PCDHGB1: variants seen among roughly 807,000 people sequenced by gnomAD.
PCDHGB1 encodes the protein protocadherin gamma-B1.
Under a neutral mutation model 56.6 loss-of-function variants are expected in PCDHGB1, and 34 were observed. That is an observed-to-expected ratio of 0.60 (90% CI 0.46 to 0.80). PCDHGB1 has a LOEUF of 0.80. Ranked by LOEUF, PCDHGB1 falls within the 30% of genes least tolerant of loss-of-function variation. The probability of loss-of-function intolerance (pLI) is 0.00; values close to 1 mark genes in which losing one functional copy is unlikely to be tolerated. For synonymous variants in PCDHGB1, 561 were observed against 505.9 expected (o/e 1.11, Z -1.46); for missense variants, 1,278 against 1,204.6 (o/e 1.06, Z -0.90).
At chr5:141,357,464 A>G (rs1433151556) in intron 1 of PCDHGB1, 1 of 1,614,044 alleles carries the variant, frequency 6.2e-7, no homozygotes, top group Non-Finnish European at 8.5e-7. Flanking sequence ...ACCTATTCCC[A>G]CGAGGTCTCC....
rs1759725917 is a variant in PCDHGB1 at position 141,355,135 on chromosome 5, C to T, written c.2409+2466C>T. 7 of 1,523,612 alleles carry T rather than the reference C, an allele frequency of 4.6e-6. No homozygotes were observed. In the Middle Eastern group the frequency reaches 9.9e-4, roughly 216 times the overall value. 94.4% of individuals were successfully genotyped at this position (1,523,612 alleles called of 1,614,324 possible). ...GCACTTTATTTTGGACCCAGAAGAT[C>T]CTGGGGCTCCTCAGGCCTCGACAGA... On this transcript the variant is annotated intron_variant, in intron 1 of 3. Transcript: ENST00000523390.
Position 141,350,963 on chromosome 5 carries a change from A to G in PCDHGB1, c.703A>G (p.Asn235Asp), listed in dbSNP as rs771173286. ...GATCCGAGTTACGGATGCCAATGAT[A>G]ATGCTCCCGTGTTTAGCCAGGAGGT... is the stretch of plus-strand genomic sequence containing the variant. ...IWIRVTDAND[N>D]APVFSQEVYR... The change falls in exon 1 of 4, where the codon AAT becomes GAT. Residue 235 changes from asparagine to aspartate, a missense_variant. Asn to Asp is a conservative substitution (Grantham distance 23). Coordinates refer to ENST00000523390, the MANE Select transcript of PCDHGB1 (RefSeq NM_018922.3). The G allele has an allele frequency of 6.2e-7, 1 of 1,614,094 alleles. No individual in the cohort carries two copies. Among genetic ancestry groups the G allele is most frequent in the South Asian group, 1.1e-5 (1 of 91,086 alleles).
At chr5:141,405,326 T>TGC in intron 1 of PCDHGB1, 1 of 1,614,220 alleles carries the variant, frequency 6.2e-7, no homozygotes, top group Non-Finnish European at 8.5e-7. Flanking sequence ...TGAGCCTTTG[T>TGC]GCGTCTCTGT....
At chr5:141,381,826 C>CTTTTTTTTTTTTTTTTTTTTTTTTTT (rs770630741) in intron 1 of PCDHGB1, among the ~76,000 whole-genome samples, 2 of 74,292 alleles carry the variant, frequency 2.7e-5, no homozygotes, top group Non-Finnish European at 4.7e-5. Flanking sequence ...CTTTCTTCTT[C>CTTTTTTTTTTTTTTTTTTTTTTTTTT]TTTTTTTTTT....
intron 1 of PCDHGB1, chr5:141,426,692 C>T: frequency 2.3e-6 from 1 of 435,472 alleles, no homozygotes; most frequent in Non-Finnish European, 4.7e-6. Flanking sequence ...CCCAAAATAG[C>T]ATTGTTTTAC....
In PCDHGB1 at chr5:141,375,407, G is replaced by A. The variant is rs192651675; in HGVS notation, c.2409+22738G>A. 5.6e-6 allele frequency: 9 copies of A among 1,613,974 alleles called. No individual in the cohort carries two copies. The Admixed American group carries it at 1.5e-4, about 27-fold the overall frequency. ...TACAGAAACAATCATCTCTCTAAAT[G>A]TGGCAGACACCAACGACAACCCGCC... On this transcript the variant is annotated intron_variant, in intron 1 of 3. Transcript: ENST00000523390.
chr5:141,395,403 A>C (rs1383871945), intron 1 of PCDHGB1: 7 of 849,376 alleles, frequency 8.2e-6, no homozygotes, highest in Non-Finnish European at 1.2e-5. Context: ...TCTAATAGTC[A>C]TAGGTTATTG....
At chr5:141,471,508 G>A (rs1262338812) in intron 1 of PCDHGB1, 3 of 152,216 alleles carry the variant, frequency 2.0e-5, no homozygotes, top group African/African-American at 7.2e-5. Context: ...AAGAGAGGGA[G>A]TAAAAATAAC....
Position 141,352,680 on chromosome 5 carries a change from G to A in PCDHGB1, c.2409+11G>A. 1 of 1,568,674 alleles carries A rather than the reference G, an allele frequency of 6.4e-7. No individual in the cohort carries two copies. Among genetic ancestry groups the A allele is most frequent in the Non-Finnish European group, 8.7e-7 (1 of 1,156,034 alleles). On this transcript the variant is annotated intron_variant, in intron 1 of 3. Transcript: ENST00000523390. ...TCTTTGTCTTCGCACGTGAGTTTCT[G>A]CAAATCTAGTTAAATTTTATATATG...
At chr5:141,418,328 G>A (rs1298044571) in intron 1 of PCDHGB1, 1 of 1,614,002 alleles carries the variant, frequency 6.2e-7, no homozygotes, top group Non-Finnish European at 8.5e-7. Flanking sequence ...TCTTGAGTCT[G>A]CAGAAGATCC....
intron 1 of PCDHGB1, chr5:141,388,778 A>T (rs2091485337): frequency 1.9e-6 from 3 of 1,613,826 alleles, no homozygotes. Context: ...ACACCGGGGA[A>T]ATTACTGTTT....
rs145748099 is a variant in PCDHGB1, at chr5:141,365,734, T to A, written c.2409+13065T>A. ...CTGTCACAGAAAACAATCCCAGAGG[T>A]GTCTCTATCTTCTCTGTGACAGCCC... On this transcript the variant is annotated intron_variant, in intron 1 of 3. Coordinates refer to ENST00000523390, the MANE Select transcript of PCDHGB1 (RefSeq NM_018922.3). The A allele has an allele frequency of 1.9e-6, 3 of 1,613,550 alleles. No individual in the cohort carries two copies. The African/African-American group carries it at 4.0e-5, about 22-fold the overall frequency.
chr5:141,355,779 G>A (rs762969886), intron 1 of PCDHGB1: 7 of 1,613,834 alleles, frequency 4.3e-6, no homozygotes, highest in East Asian at 2.2e-5. Flanking sequence ...AGTACCCAGA[G>A]CTGGTGCTGG....
At chr5:141,433,195 T>C (rs765385329) in intron 1 of PCDHGB1, 8 of 1,582,476 alleles carry the variant, frequency 5.1e-6, no homozygotes, top group Non-Finnish European at 6.9e-6. Flanking sequence ...TGAGTTTATA[T>C]CAAATCTTCT....
rs747655305 is a variant in PCDHGB1 at position 141,351,506 on chromosome 5, G to A, written c.1246G>A (p.Val416Ile). The change falls in exon 1 of 4, where the codon GTC becomes ATC. Residue 416 changes from valine (V) to isoleucine (I), a missense_variant. Val to Ile is a conservative substitution (Grantham distance 29). Coordinates refer to ENST00000523390, the MANE Select transcript of PCDHGB1 (RefSeq NM_018922.3). ...LNREQTADYN[V>I]TIIATDKGKP... ...CCGGGAGCAGACAGCAGACTACAACGTCACAATCATAGCCACCGACAAGGG... is the reference window on the plus strand; with the variant it reads ...CCGGGAGCAGACAGCAGACTACAACATCACAATCATAGCCACCGACAAGGG... 58 of 1,613,874 alleles carry A rather than the reference G, an allele frequency of 3.6e-5. No homozygotes were observed. Among genetic ancestry groups the A allele is most frequent in the Middle Eastern group, 1.6e-4 (1 of 6,084 alleles).
chr5:141,394,631 C>T (rs1402672360), intron 1 of PCDHGB1: 3 of 1,613,354 alleles, frequency 1.9e-6, no homozygotes, highest in Admixed American at 1.7e-5. Flanking sequence ...GGCTGTCCTA[C>T]CGCCTGCTCA....
rs756237595 is a variant in PCDHGB1, at chr5:141,398,946, C to T, written c.2409+46277C>T. The T allele has an allele frequency of 1.9e-6, 3 of 1,613,830 alleles. No individual in the cohort carries two copies. The Admixed American group carries it at 5.0e-5, about 27-fold the overall frequency. ...CAGCCACTGACCAAGACGAGGGCAT[C>T]AACTCAGAAATTACTTATTCCTTCT... On this transcript the variant is annotated intron_variant, in intron 1 of 3. Coordinates refer to ENST00000523390, the MANE Select transcript of PCDHGB1 (RefSeq NM_018922.3).
chr5:141,434,920 A>C (rs927245955), intron 1 of PCDHGB1, among the ~76,000 whole-genome samples: 1 of 151,796 alleles, frequency 6.6e-6, no homozygotes. Flanking sequence ...ATTTATGTAC[A>C]TATATTTTAT....
At position 141,491,134 on chromosome 5, in the gene PCDHGB1, C is replaced by T. The variant is rs1594979273; in HGVS notation, c.2410-3673C>T. Reference sequence around the variant, plus strand: ...ACACACTGGTGAGGTGCGCACAGCCCGGGCCTTACTGGAGGATGACTCTGA... The same window carrying T: ...ACACACTGGTGAGGTGCGCACAGCCTGGGCCTTACTGGAGGATGACTCTGA... On this transcript the variant is annotated intron_variant, in intron 1 of 3. Transcript: ENST00000523390. The surrounding 1 kb of genome is among the most constrained non-coding windows in gnomAD (Gnocchi z 6.9). The T allele has an allele frequency of 6.2e-7, 1 of 1,614,138 alleles. No homozygotes were observed. Among genetic ancestry groups the T allele is most frequent in the Non-Finnish European group, 8.5e-7 (1 of 1,179,994 alleles).
Sources: gnomAD v4.1 joint callset for allele counts (sites outside exome capture counted in the v4.1 genomes callset) on GRCh38, gnomAD v4.1.1 for gene constraint, Gnocchi (gnomAD v3.1) non-coding constraint, MANE v1.5 for transcripts, NCBI Gene and HGNC (gene_info 2026-07-23, HGNC 2026-07-21) for gene names.